Variants in SHISA6 observed in about 807,000 individuals in gnomAD.
The protein encoded by SHISA6 is protein shisa-6.
Under a neutral mutation model 47.9 loss-of-function variants are expected in SHISA6, and 22 were observed. The ratio of observed to expected loss-of-function variants is 0.46; its 90% CI spans 0.33 to 0.66. The LOEUF is 0.66. Among genes scored for constraint, SHISA6 ranks in the 30% least tolerant of loss-of-function variants. SHISA6 has a pLI of 0.02. For synonymous variants in SHISA6, 388 were observed against 337.8 expected, an observed-to-expected ratio of 1.15 and a Z score of -1.63; for missense variants, 680 against 764.6, an observed-to-expected ratio of 0.89 and a Z score of 1.30.
intron 3 of SHISA6, among the ~76,000 whole-genome samples, chr17:11,403,173 A>G (rs1279378848): frequency 6.6e-6 from 1 of 152,194 alleles, no homozygotes; most frequent in Non-Finnish European, 1.5e-5. Context: ...CCCTTACTTT[A>G]GTGAGAATCC....
chr17:11,393,772 C>T (rs1313289363), intron 3 of SHISA6, among the ~76,000 whole-genome samples: 5 of 152,190 alleles, frequency 3.3e-5, no homozygotes, highest in African/African-American at 7.2e-5. Context: ...GGCTCTACAT[C>T]ATCTAGCCCT....
At chr17:11,318,274 G>A (rs1910590484) in intron 2 of SHISA6, among the ~76,000 whole-genome samples, 1 of 152,072 alleles carries the variant, frequency 6.6e-6, no homozygotes, top group Non-Finnish European at 1.5e-5. Context: ...ATCTCTCTTT[G>A]TAACTGCCTT....
intron 2 of SHISA6, among the ~76,000 whole-genome samples, chr17:11,327,913 CTCTCTCTGTCTCTCTCTCTCTCTCTG>C (rs1461628928): frequency 6.6e-5 from 10 of 151,976 alleles, no homozygotes; most frequent in African/African-American, 9.7e-5. Context: ...TTTTCTCTCT[CTCTCTCTGTCTCTCTCTCTCTCTCTG>C]TCTCTCTGTC....
At chr17:11,502,408 C>CAG (rs1459462936) in intron 3 of SHISA6, among the ~76,000 whole-genome samples, 1 of 34,058 alleles carries the variant, frequency 2.9e-5, no homozygotes, top group African/African-American at 1.2e-4. Flanking sequence ...GACTCCGTCT[C>CAG]AAAAAAAAAA....
intron 3 of SHISA6, among the ~76,000 whole-genome samples, chr17:11,502,408 C>CAAAAAAAAAAAAA (rs33980148): frequency 2.9e-5 from 1 of 34,058 alleles, no homozygotes; most frequent in Admixed American, 5.0e-4. Flanking sequence ...GACTCCGTCT[C>CAAAAAAAAAAAAA]AAAAAAAAAA....
chr17:11,518,485 A>ACACACATACACACATT (rs2071603445), intron 3 of SHISA6, among the ~76,000 whole-genome samples: 2 of 152,190 alleles, frequency 1.3e-5, no homozygotes, highest in Non-Finnish European at 1.5e-5. Context: ...ATACACACAT[A>ACACACATACACACATT]CACACACAAA....
chr17:11,244,247 C>T (rs1567697544), intron 1 of SHISA6, among the ~76,000 whole-genome samples: 1 of 152,174 alleles, frequency 6.6e-6, no homozygotes, highest in Non-Finnish European at 1.5e-5. Context: ...AGTTCACAGC[C>T]TCTCTTCCAG....
At chr17:11,441,650 G>C (rs1250429145) in intron 3 of SHISA6, among the ~76,000 whole-genome samples, 1 of 152,202 alleles carries the variant, frequency 6.6e-6, no homozygotes, top group Non-Finnish European at 1.5e-5. Flanking sequence ...GGGAGGAAAA[G>C]ATAGTTCTAG....
intron 2 of SHISA6, among the ~76,000 whole-genome samples, chr17:11,287,881 T>C (rs1199057341): frequency 1.3e-5 from 2 of 152,160 alleles, no homozygotes; most frequent in African/African-American, 2.4e-5. Context: ...TCATTGTTAG[T>C]AACAGCTTTT....
intron 3 of SHISA6, among the ~76,000 whole-genome samples, chr17:11,389,802 C>T (rs372494912): frequency 2.0e-5 from 3 of 152,184 alleles, no homozygotes; most frequent in South Asian, 4.1e-4. Flanking sequence ...GGAATCTCCC[C>T]TTCTTATGTG....
chr17:11,413,265 G>A (rs758525691), intron 3 of SHISA6, among the ~76,000 whole-genome samples: 17 of 152,152 alleles, frequency 1.1e-4, no homozygotes, highest in Non-Finnish European at 2.1e-4. Context: ...TCGTGTCAGG[G>A]TAGTGTTGAG....
At chr17:11,337,191 G>C (rs1397385523) in intron 2 of SHISA6, among the ~76,000 whole-genome samples, 1 of 152,116 alleles carries the variant, frequency 6.6e-6, no homozygotes, top group Non-Finnish European at 1.5e-5. Flanking sequence ...TATGGGAGAG[G>C]ATCCAGGGGG....
intron 3 of SHISA6, among the ~76,000 whole-genome samples, chr17:11,430,475 G>A (rs138811816): frequency 2.3e-4 from 35 of 152,276 alleles, no homozygotes; most frequent in African/African-American, 8.2e-4. Context: ...CATGTTGCAC[G>A]AACAAGAAAT....
intron 1 of SHISA6, among the ~76,000 whole-genome samples, chr17:11,255,923 C>T (rs1381472643): frequency 2.0e-5 from 3 of 152,336 alleles, no homozygotes; most frequent in South Asian, 4.1e-4. Flanking sequence ...GTGCCAGGCT[C>T]CTTGTAAGCC....
chr17:11,416,463 G>A (rs891846771), intron 3 of SHISA6, among the ~76,000 whole-genome samples: 8 of 152,014 alleles, frequency 5.3e-5, no homozygotes, highest in Non-Finnish European at 8.8e-5. Context: ...GTTGTTGGTC[G>A]AAATTCACAA....
chr17:11,380,131 G>A (rs987714179), intron 3 of SHISA6: 1 of 152,248 alleles, frequency 6.6e-6, no homozygotes, highest in African/African-American at 2.4e-5. Flanking sequence ...TCTGTCTTTT[G>A]TTTAAACAAG....
chr17:11,260,281 G>T (rs1908178302), intron 1 of SHISA6, among the ~76,000 whole-genome samples: 1 of 152,134 alleles, frequency 6.6e-6, no homozygotes, highest in Admixed American at 6.5e-5. Context: ...TCAGGCAAAA[G>T]AATTCTTTTG....
intron 3 of SHISA6, among the ~76,000 whole-genome samples, chr17:11,515,934 C>T (rs957074434): frequency 6.6e-6 from 1 of 152,132 alleles, no homozygotes; most frequent in Non-Finnish European, 1.5e-5. Context: ...CTTCCCTCGC[C>T]CACAGTTCTC....
At chr17:11,493,585 A>ATG (rs1567620603) in intron 3 of SHISA6, among the ~76,000 whole-genome samples, 1 of 151,428 alleles carries the variant, frequency 6.6e-6, no homozygotes, top group East Asian at 1.9e-4. Context: ...GCGCGCGCAC[A>ATG]CACACACACA....
Sources: allele counts gnomAD v4.1 joint callset (sites outside exome capture counted in the v4.1 genomes callset), GRCh38; gene constraint gnomAD v4.1.1; transcripts MANE v1.5; gene names NCBI Gene and HGNC (gene_info 2026-07-23, HGNC 2026-07-21).